The following THSD7A variants were observed in gnomAD, a reference collection of about 807,000 sequenced individuals.
The protein encoded by THSD7A is thrombospondin type 1 domain containing 7A.
A neutral mutation model predicts 231.3 loss-of-function variants in THSD7A; 96 were observed. The observed-to-expected ratio is 0.41, with a 90% CI of 0.35 to 0.49. THSD7A has a LOEUF of 0.49. THSD7A is among the 20% of genes least tolerant of loss of function. The pLI, the probability that THSD7A is intolerant of heterozygous loss-of-function variation, is 0.05. For synonymous variants in THSD7A, 940 were observed against 743.3 expected, an observed-to-expected ratio of 1.26 and a Z score of -4.30; for missense variants, 2,290 against 2,070.2, an observed-to-expected ratio of 1.11 and a Z score of -2.06.
intron 1 of THSD7A, among the ~76,000 whole-genome samples, chr7:11,806,249 T>C: frequency 6.6e-6 from 1 of 152,168 alleles, no homozygotes; most frequent in East Asian, 1.9e-4. Context: ...CATTGATTTT[T>C]CATTGTGCTC....
intron 6 of THSD7A, among the ~76,000 whole-genome samples, chr7:11,524,796 C>T (rs1424335258): frequency 6.6e-6 from 1 of 152,162 alleles, no homozygotes; most frequent in Non-Finnish European, 1.5e-5. Context: ...AAGAAATCAA[C>T]ACACACTTAA....
At chr7:11,785,039 G>T (rs1054765140) in intron 1 of THSD7A, among the ~76,000 whole-genome samples, 2 of 151,990 alleles carry the variant, frequency 1.3e-5, no homozygotes, top group African/African-American at 4.8e-5. Context: ...TGAACTTTAT[G>T]CAGGAGGTCT....
intron 9 of THSD7A, among the ~76,000 whole-genome samples, chr7:11,465,078 G>A (rs1382763263): frequency 6.6e-6 from 1 of 151,992 alleles, no homozygotes; most frequent in East Asian, 1.9e-4. Flanking sequence ...TATTATATGC[G>A]GTTGATATAT....
intron 2 of THSD7A, among the ~76,000 whole-genome samples, chr7:11,633,342 G>T (rs1781722967): frequency 6.6e-6 from 1 of 152,142 alleles, no homozygotes; most frequent in Admixed American, 6.6e-5. Context: ...TCTTCCACTA[G>T]TTGTCAAAAC....
chr7:11,407,520 C>A, intron 19 of THSD7A, 97 bp from the exon 20 acceptor site: 2 of 840,980 alleles, frequency 2.4e-6, no homozygotes, highest in South Asian at 1.5e-5. Context: ...GGAGAAAAAG[C>A]AAGCCACATA....
At chr7:11,620,076 G>T (rs909757953) in intron 2 of THSD7A, among the ~76,000 whole-genome samples, 4 of 152,116 alleles carry the variant, frequency 2.6e-5, no homozygotes, top group Admixed American at 1.3e-4. Flanking sequence ...ATAATGTGAT[G>T]AACTGTCTCA....
intron 1 of THSD7A, among the ~76,000 whole-genome samples, chr7:11,718,002 C>T (rs899339631): frequency 1.3e-5 from 2 of 151,562 alleles, no homozygotes; most frequent in African/African-American, 2.4e-5. Flanking sequence ...TGACCCTTCT[C>T]AAAACTAATC....
chr7:11,396,631 G>A (rs769848620), intron 23 of THSD7A, among the ~76,000 whole-genome samples: 15 of 152,174 alleles, frequency 9.9e-5, no homozygotes, highest in Non-Finnish European at 1.8e-4. Flanking sequence ...AATTGAGGCA[G>A]TAATTAGTAG....
intron 17 of THSD7A, among the ~76,000 whole-genome samples, chr7:11,413,466 T>G (rs1328280729): frequency 6.6e-6 from 1 of 152,056 alleles, no homozygotes; most frequent in African/African-American, 2.4e-5. Context: ...GATCAACCAA[T>G]TGTCTTGAAA....
intron 23 of THSD7A, among the ~76,000 whole-genome samples, chr7:11,400,280 TG>T (rs1480568860): frequency 1.3e-5 from 2 of 152,172 alleles, no homozygotes; most frequent in African/African-American, 4.8e-5. Flanking sequence ...CTGCATGTTG[TG>T]CACATGTACC....
chr7:11,596,496 C>A (rs1780363584), intron 2 of THSD7A, among the ~76,000 whole-genome samples: 2 of 152,144 alleles, frequency 1.3e-5, no homozygotes, highest in African/African-American at 2.4e-5. Flanking sequence ...GCGGACAGAA[C>A]CCCCACATTG....
chr7:11,775,817 T>C (rs2128172945), intron 1 of THSD7A, among the ~76,000 whole-genome samples: 1 of 152,278 alleles, frequency 6.6e-6, no homozygotes, highest in East Asian at 1.9e-4. Flanking sequence ...TAAAAAATGG[T>C]TAAAGTAGTA....
intron 1 of THSD7A, among the ~76,000 whole-genome samples, chr7:11,657,920 C>G (rs1782769530): frequency 6.6e-6 from 1 of 151,604 alleles, no homozygotes; most frequent in Non-Finnish European, 1.5e-5. Context: ...TTTTTACATT[C>G]CTGTGTGAGT....
chr7:11,623,337 C>T (rs967711520), intron 2 of THSD7A, among the ~76,000 whole-genome samples: 52 of 152,138 alleles, frequency 3.4e-4, no homozygotes, highest in Non-Finnish European at 4.4e-5. Flanking sequence ...TAAGAACGCA[C>T]TTGCATGACC....
At chr7:11,381,491 T>G (rs770104377) in intron 24 of THSD7A, among the ~76,000 whole-genome samples, 2 of 152,172 alleles carry the variant, frequency 1.3e-5, no homozygotes, top group African/African-American at 2.4e-5. Context: ...TGATCCTTGC[T>G]CCTGTTTCTT....
intron 1 of THSD7A, among the ~76,000 whole-genome samples, chr7:11,671,795 C>G (rs1783406648): frequency 6.6e-6 from 1 of 152,092 alleles, no homozygotes; most frequent in African/African-American, 2.4e-5. Context: ...GTAATCCAAA[C>G]TAGGATGCTT....
intron 6 of THSD7A, among the ~76,000 whole-genome samples, chr7:11,522,164 T>G (rs1788292877): frequency 6.6e-6 from 1 of 152,142 alleles, no homozygotes; most frequent in Admixed American, 6.6e-5. Context: ...CAGAGCTGTT[T>G]GCCGGAGTGA....
rs1227398260 is a variant in THSD7A at position 11,382,586 on chromosome 7, G to C, written c.4442C>G (p.Ala1481Gly). The change falls in exon 24 of 28, where the codon GCC becomes GGC. Residue 1481 changes from alanine to glycine, a missense_variant. Ala to Gly is a moderately conservative substitution (Grantham distance 60). Transcript: ENST00000423059. ...TCGGGAAGAGCCCTTCCAAGCACTG[G>C]CCATCCATTTATATTCATAGCACTG... ...DGQCYEYKWMASAWKGSSRTV... is the reference protein window; with the variant it reads ...DGQCYEYKWMGSAWKGSSRTV... 1.9e-6 allele frequency: 3 copies of C among 1,612,598 alleles called. No homozygotes were observed. Among genetic ancestry groups the C allele is most frequent in the Non-Finnish European group, 2.5e-6 (3 of 1,179,160 alleles).
At chr7:11,431,610 T>C (rs1045950883) in intron 13 of THSD7A, among the ~76,000 whole-genome samples, 5 of 152,186 alleles carry the variant, frequency 3.3e-5, no homozygotes, top group African/African-American at 1.2e-4. Context: ...GAAGCAAGTA[T>C]TGAAATCCAG....
Sources: allele counts gnomAD v4.1 joint callset (sites outside exome capture counted in the v4.1 genomes callset), GRCh38; gene constraint gnomAD v4.1.1; transcripts MANE v1.5; gene names NCBI Gene and HGNC (gene_info 2026-07-23, HGNC 2026-07-21).